Variants in EFNA5 observed in about 807,000 individuals in gnomAD.
EFNA5 encodes ephrin-A5.
EFNA5 carries 5 observed loss-of-function variants against 22.9 expected under a neutral mutation model. The ratio of observed to expected loss-of-function variants is 0.22; its 90% CI spans 0.11 to 0.46. The LOEUF (loss-of-function observed/expected upper bound fraction) is 0.46. Among genes scored for constraint, EFNA5 ranks in the 20% least tolerant of loss-of-function variants. The pLI, the probability that EFNA5 is intolerant of heterozygous loss-of-function variation, is 0.99. For synonymous variants in EFNA5, 113 were observed against 112.2 expected (o/e 1.01, Z -0.04); for missense variants, 237 against 293.3 (o/e 0.81, Z 1.40).
intron 1 of EFNA5, among the ~76,000 whole-genome samples, chr5:107,437,119 T>C (rs1052405918): frequency 2.8e-4 from 43 of 152,076 alleles, no homozygotes; most frequent in African/African-American, 9.9e-4. Context: ...TTTTAAAAAA[T>C]TGAGATATCT....
chr5:107,408,892 AAAGAGT>A (rs149759368), intron 2 of EFNA5, among the ~76,000 whole-genome samples: 28,965 of 152,008 alleles, frequency 0.19, 2,884 homozygotes, highest in South Asian at 0.32. Flanking sequence ...CTTACACTTT[AAAGAGT>A]AAAATACAAA....
chr5:107,609,611 A>G (rs577684281), intron 1 of EFNA5, among the ~76,000 whole-genome samples: 1 of 152,298 alleles, frequency 6.6e-6, no homozygotes, highest in African/African-American at 2.4e-5. Context: ...TGGAGGCTGC[A>G]CCACCAAAGT....
At chr5:107,580,734 A>G (rs1422565808) in intron 1 of EFNA5, among the ~76,000 whole-genome samples, 1 of 149,322 alleles carries the variant, frequency 6.7e-6, no homozygotes, top group Non-Finnish European at 1.5e-5. Flanking sequence ...AAAAAAAAAA[A>G]AAAAAAGAAA....
chr5:107,666,099 G>C (rs1751059565), intron 1 of EFNA5, among the ~76,000 whole-genome samples: 2 of 152,038 alleles, frequency 1.3e-5, no homozygotes, highest in African/African-American at 4.8e-5. Flanking sequence ...GACAATCTAA[G>C]TTTTGTGATG....
intron 1 of EFNA5, among the ~76,000 whole-genome samples, chr5:107,591,906 A>ATATTAT (rs1749344031): frequency 2.3e-4 from 1 of 4,274 alleles, no homozygotes; most frequent in African/African-American, 1.9e-3. Context: ...TATAATATAT[A>ATATTAT]ATATAAAAAA....
chr5:107,648,283 G>A (rs1750665320), intron 1 of EFNA5, among the ~76,000 whole-genome samples: 1 of 152,062 alleles, frequency 6.6e-6, no homozygotes, highest in Admixed American at 6.6e-5. Flanking sequence ...AAAATTAGTT[G>A]AGCTTTGTCA....
At chr5:107,478,403 C>T (rs931388067) in intron 1 of EFNA5, among the ~76,000 whole-genome samples, 1 of 152,176 alleles carries the variant, frequency 6.6e-6, no homozygotes, top group Non-Finnish European at 1.5e-5. Flanking sequence ...GCCCCTACTC[C>T]GGTTAACCTA....
chr5:107,510,990 C>A (rs1052918492), intron 1 of EFNA5, among the ~76,000 whole-genome samples: 1 of 140,960 alleles, frequency 7.1e-6, no homozygotes, highest in African/African-American at 2.9e-5. Flanking sequence ...AGTTGCATTT[C>A]TTTCTTTTTC....
intron 1 of EFNA5, among the ~76,000 whole-genome samples, chr5:107,654,037 A>G (rs1475161830): frequency 1.3e-5 from 2 of 152,154 alleles, no homozygotes; most frequent in East Asian, 3.9e-4. Context: ...AATTAAGAGT[A>G]TGCTATGATA....
At chr5:107,490,057 T>C (rs554703537) in intron 1 of EFNA5, among the ~76,000 whole-genome samples, 2 of 152,282 alleles carry the variant, frequency 1.3e-5, no homozygotes, top group Admixed American at 1.3e-4. Context: ...CAAGATTCCA[T>C]CTTTCCTTGG....
At chr5:107,643,570 T>A (rs1428937446) in intron 1 of EFNA5, among the ~76,000 whole-genome samples, 1 of 152,014 alleles carries the variant, frequency 6.6e-6, no homozygotes, top group Admixed American at 6.6e-5. Context: ...AGAAGCACCT[T>A]CACTGTGTTT....
intron 1 of EFNA5, among the ~76,000 whole-genome samples, chr5:107,522,036 C>T (rs2112444037): frequency 6.6e-6 from 1 of 152,282 alleles, no homozygotes; most frequent in South Asian, 2.1e-4. Flanking sequence ...AAATCATCCT[C>T]ATGCACCTAA....
chr5:107,541,667 C>T (rs914025772), intron 1 of EFNA5, among the ~76,000 whole-genome samples: 1 of 152,180 alleles, frequency 6.6e-6, no homozygotes, highest in African/African-American at 2.4e-5. Context: ...CACACCTCAA[C>T]TTCAAGCTCA....
chr5:107,655,813 T>C (rs1413226114), intron 1 of EFNA5, among the ~76,000 whole-genome samples: 3 of 152,166 alleles, frequency 2.0e-5, no homozygotes, highest in African/African-American at 7.2e-5. Flanking sequence ...TTCAATGCAT[T>C]AAAATATGTG....
intron 1 of EFNA5, among the ~76,000 whole-genome samples, chr5:107,573,803 G>T (rs1004113954): frequency 6.6e-6 from 1 of 152,268 alleles, no homozygotes; most frequent in African/African-American, 2.4e-5. Flanking sequence ...AACAGTTTTA[G>T]AACGAACAAA....
chr5:107,572,635 CTG>C (rs1446483472), intron 1 of EFNA5, among the ~76,000 whole-genome samples: 1 of 152,204 alleles, frequency 6.6e-6, no homozygotes, highest in African/African-American at 2.4e-5. Context: ...CACATGGACA[CTG>C]CAGCGTAGGA....
At chr5:107,383,833 T>C (rs1243163792) in intron 4 of EFNA5, among the ~76,000 whole-genome samples, 1 of 152,210 alleles carries the variant, frequency 6.6e-6, no homozygotes, top group Non-Finnish European at 1.5e-5. Context: ...AGAGGAAGGC[T>C]TTTGTTTTTC....
chr5:107,473,825 G>A (rs533028934), intron 1 of EFNA5, among the ~76,000 whole-genome samples: 73 of 151,806 alleles, frequency 4.8e-4, no homozygotes, highest in African/African-American at 1.6e-3. Context: ...CACGCCCAGC[G>A]AATTTTTGCA....
chr5:107,580,158 A>G (rs898282902), intron 1 of EFNA5, among the ~76,000 whole-genome samples: 1 of 152,206 alleles, frequency 6.6e-6, no homozygotes, highest in Non-Finnish European at 1.5e-5. Context: ...TTCAGTGACC[A>G]ACTGCCAGTG....
Sources: allele counts gnomAD v4.1 joint callset (sites outside exome capture counted in the v4.1 genomes callset), GRCh38; gene constraint gnomAD v4.1.1; transcripts MANE v1.5; gene names NCBI Gene and HGNC (gene_info 2026-07-23, HGNC 2026-07-21).